PLA2R1: variants seen among roughly 807,000 people sequenced by gnomAD.
PLA2R1 encodes phospholipase A2 receptor 1, also known as secretory phospholipase A2 receptor.
In PLA2R1, 158 loss-of-function variants were observed where a neutral mutation model predicts 195.9. That is an observed-to-expected ratio of 0.81 (90% CI 0.71 to 0.92). The LOEUF is 0.92. PLA2R1 is among the 40% of genes least tolerant of loss of function. The pLI is 0.00. For synonymous variants in PLA2R1, 586 were observed against 598.2 expected, an observed-to-expected ratio of 0.98 and a Z score of 0.30; for missense variants, 1,626 against 1,764.6, an observed-to-expected ratio of 0.92 and a Z score of 1.41.
chr2:159,949,669 T>C lies in PLA2R1; in HGVS notation c.3648A>G (p.Gly1216=), dbSNP rs1412631283. ...ACTCGCAGGCTGTGCTATGCCAGCG[T>C]CCGTTGCTGTCGGCAAAAACGCAGT... The part of the protein sequence containing the change: ...LGDCVFADSN[G]RWHSTACESF... Residue 1216 remains glycine, a synonymous_variant, in exon 25 of 30, where the codon GGA becomes GGG. Transcript: ENST00000283243. 4.3e-6 allele frequency: 7 copies of C among 1,613,862 alleles called. No homozygotes were observed. The highest frequency in any genetic ancestry group is 1.3e-5 in the African/African-American group (1 of 74,926).
chr2:160,029,956 G>A (rs1053637811), intron 4 of PLA2R1, among the ~76,000 whole-genome samples: 2 of 152,206 alleles, frequency 1.3e-5, no homozygotes, highest in African/African-American at 4.8e-5. Flanking sequence ...GACCCTGACG[G>A]ATAAGGGTTA....
rs985969685 is a variant in PLA2R1, at chr2:160,034,791, G to T, written c.668-1659C>A. 2.0e-5 allele frequency among the ~76,000 whole-genome samples: 3 copies of T among 152,196 alleles called. No homozygotes were observed. In the East Asian group the frequency reaches 5.8e-4, roughly 29 times the overall value. Reference sequence around the variant, plus strand: ...CTACAAAAAGAGAAAGAAAGATGCCGGGTATGGTGTCTCATGCCTGTAATC... The same window carrying T: ...CTACAAAAAGAGAAAGAAAGATGCCTGGTATGGTGTCTCATGCCTGTAATC... On this transcript the variant is annotated intron_variant, in intron 3 of 29. Transcript: ENST00000283243.
chr2:159,991,239 T>C (rs1401057082), intron 11 of PLA2R1, among the ~76,000 whole-genome samples: 1 of 152,208 alleles, frequency 6.6e-6, no homozygotes, highest in African/African-American at 2.4e-5. Flanking sequence ...GAAGATCTAC[T>C]GTCACATTTT....
At chr2:159,992,084 T>G (rs1005802302) in intron 11 of PLA2R1, among the ~76,000 whole-genome samples, 2 of 140,134 alleles carry the variant, frequency 1.4e-5, no homozygotes, top group Admixed American at 7.3e-5. Context: ...CCACCAACAG[T>G]GTAAAAGTGT....
At chr2:160,029,060 A>C in intron 4 of PLA2R1, 97 bp from the exon 5 acceptor site, 2 of 707,620 alleles carry the variant, frequency 2.8e-6, no homozygotes, top group Admixed American at 2.2e-5. Context: ...AACTAATTCC[A>C]GTCAATGACG....
At position 159,987,179 on chromosome 2, in the gene PLA2R1, G is replaced by T. The variant is rs1054404184; in HGVS notation, c.2014C>A (p.Pro672Thr). The T allele has an allele frequency of 5.6e-6, 9 of 1,613,782 alleles. No individual in the cohort carries two copies. The highest frequency in any genetic ancestry group is 7.6e-6 in the Non-Finnish European group (9 of 1,179,716). The change falls in exon 12 of 30, where the codon CCT (proline) becomes ACT (threonine). Residue 672 changes from proline to threonine, a missense_variant. Pro to Thr is a conservative substitution (Grantham distance 38). Coordinates refer to ENST00000283243, the MANE Select transcript of PLA2R1 (RefSeq NM_007366.5). ...ACCTTGAAGCAACTGGCCAGACCAG[G>T]CTCTGACTCCCAGTCCAAATAGCAG... ...HPCYLDWESE[P>T]GLASCFKVFH...
At chr2:159,957,225 A>G (rs1229780673) in intron 20 of PLA2R1, among the ~76,000 whole-genome samples, 3 of 152,232 alleles carry the variant, frequency 2.0e-5, no homozygotes, top group African/African-American at 7.2e-5. Context: ...GGGAAGAAGT[A>G]GAAATGAAGG....
chr2:160,008,146 A>G (rs901387072), intron 10 of PLA2R1, among the ~76,000 whole-genome samples: 7 of 152,050 alleles, frequency 4.6e-5, no homozygotes, highest in Non-Finnish European at 1.0e-4. Flanking sequence ...TACAAAACAT[A>G]AAAAACATTT....
rs2715922 is a variant in PLA2R1, at chr2:159,989,138, C to T, written c.1835-1780G>A. Among the ~76,000 whole-genome samples, 1,145 of 152,294 alleles carry T rather than the reference C, an allele frequency of 7.5e-3. 21 individuals are homozygous for T. Among genetic ancestry groups the T allele is most frequent in the African/African-American group, 0.026 (1,084 of 41,552 alleles). ...AAGAGTTGGTGCATCCAAAGGCCAT[C>T]GGATGGCTCTACTGGCCCAGAACAG... On this transcript the variant is annotated intron_variant, in intron 11 of 29. Coordinates refer to ENST00000283243, the MANE Select transcript of PLA2R1 (RefSeq NM_007366.5).
intron 6 of PLA2R1, among the ~76,000 whole-genome samples, chr2:160,025,182 C>G (rs1380346950): frequency 6.6e-6 from 1 of 152,068 alleles, no homozygotes; most frequent in Middle Eastern, 3.2e-3. Flanking sequence ...TATATCTCTA[C>G]TATGAAGATT....
At position 159,941,768 on chromosome 2, in the gene PLA2R1, G is replaced by A; in HGVS notation, c.*10C>T. On this transcript the variant is annotated 3_prime_UTR_variant, in exon 30 of 30. Coordinates refer to ENST00000283243, the MANE Select transcript of PLA2R1 (RefSeq NM_007366.5). ...TACCCTGGTGTCTGTGGCATTCTCT[G>A]ACCTCATTATTATTGGTCACTCTTC... 6.8e-7 allele frequency: 1 copy of A among 1,462,766 alleles called. No homozygotes were observed. The highest frequency in any genetic ancestry group is 9.6e-7 in the Non-Finnish European group (1 of 1,043,908). 90.6% of individuals were successfully genotyped at this position (1,462,766 alleles called of 1,614,324 possible).
chr2:160,002,215 C>T (rs1459202224), intron 11 of PLA2R1, among the ~76,000 whole-genome samples: 1 of 151,742 alleles, frequency 6.6e-6, no homozygotes, highest in Non-Finnish European at 1.5e-5. Context: ...GGGTTGAAAT[C>T]ATATTCATAT....
intron 20 of PLA2R1, among the ~76,000 whole-genome samples, chr2:159,961,775 G>A (rs1171319457): frequency 2.0e-5 from 3 of 152,164 alleles, no homozygotes; most frequent in African/African-American, 7.2e-5. Context: ...GGACACATGG[G>A]ATGGAGGTGA....
chr2:160,002,530 T>C (rs1691673370), intron 11 of PLA2R1, among the ~76,000 whole-genome samples: 1 of 151,954 alleles, frequency 6.6e-6, no homozygotes, highest in Non-Finnish European at 1.5e-5. Context: ...GTTTTCCCTA[T>C]GAAAAAAGGT....
chr2:159,953,874 C>T (rs916603872), intron 23 of PLA2R1, among the ~76,000 whole-genome samples: 1 of 152,212 alleles, frequency 6.6e-6, no homozygotes, highest in African/African-American at 2.4e-5. Context: ...CACTCTGTAG[C>T]CCAGGCTGGA....
At chr2:159,925,561 C>CAAAA in the PLA2R1 span, among the ~76,000 whole-genome samples, 186 of 136,072 alleles carry the variant, frequency 1.4e-3, no homozygotes, top group Non-Finnish European at 2.3e-3. Context: ...GGAATCAAAG[C>CAAAA]AAAAAAAAAA....
At chr2:160,013,701 C>CTGTGTG (rs1553462074) in intron 9 of PLA2R1, among the ~76,000 whole-genome samples, 1 of 131,212 alleles carries the variant, frequency 7.6e-6, no homozygotes, top group African/African-American at 2.9e-5. Flanking sequence ...CTCTCTCTCT[C>CTGTGTG]TGTCTCTCTC....
chr2:159,938,245 C>G lies in PLA2R1; in HGVS notation c.*3533G>C, dbSNP rs568606460. 2 of 152,288 alleles carry G rather than the reference C, an allele frequency of 1.3e-5. No individual in the cohort carries two copies. Among genetic ancestry groups the G allele is most frequent in the Admixed American group, 1.3e-4 (2 of 15,294 alleles). 9.4% of individuals were successfully genotyped at this position (152,288 alleles called of 1,614,324 possible). A position where few individuals can be genotyped will look rare whatever the true frequency, so the allele number is the denominator to read the frequency against. The stretch of plus-strand genomic sequence containing the variant: ...CTCTGTCAGCCACAGATTGGAGGCC[C>G]ATGGAGGACTCCAGGCCTTAGGAGA... On this transcript the variant is annotated 3_prime_UTR_variant, in exon 30 of 30. Transcript: ENST00000283243.
At chr2:160,011,950 G>C (rs920908639) in intron 10 of PLA2R1, among the ~76,000 whole-genome samples, 6 of 102,654 alleles carry the variant, frequency 5.8e-5, no homozygotes, top group African/African-American at 1.7e-4. Flanking sequence ...TTGAGTGTGT[G>C]TGTGTGTGCG....
Sources: allele counts gnomAD v4.1 joint callset (sites outside exome capture counted in the v4.1 genomes callset), GRCh38; gene constraint gnomAD v4.1.1; transcripts MANE v1.5; gene names NCBI Gene and HGNC (gene_info 2026-07-23, HGNC 2026-07-21).